Variants in RPS6KC1 observed in about 807,000 individuals in gnomAD.
RPS6KC1 encodes the protein inactive ribosomal protein S6 kinase delta-1.
RPS6KC1 carries 54 observed loss-of-function variants against 103.8 expected under a neutral mutation model. That is an observed-to-expected ratio of 0.52 (90% confidence interval 0.42 to 0.65). RPS6KC1 has a LOEUF of 0.65. Among genes scored for constraint, RPS6KC1 ranks in the 30% least tolerant of loss-of-function variants. RPS6KC1 has a pLI of 0.00. For missense variants in RPS6KC1, 1,151 were observed against 1,253.8 expected (o/e 0.92, Z 1.24); for synonymous variants, 439 against 438.7 (o/e 1.00, Z -0.01).
In RPS6KC1 at chr1:213,053,742, G is replaced by T. The variant is rs559118631; in HGVS notation, c.105+2233G>T. Among the ~76,000 whole-genome samples the T allele has an allele frequency of 2.1e-4, 32 of 152,236 alleles. No homozygotes were observed. In the East Asian group the frequency reaches 4.8e-3, roughly 23 times the overall value. ...GAAGGGGTAGAGTCCATAAAGACCT[G>T]GAGGTATGAATGTGTGTGGAACTGG... On this transcript the variant is annotated intron_variant, in intron 1 of 14. Coordinates refer to ENST00000366960, the MANE Select transcript of RPS6KC1 (RefSeq NM_012424.6).
the RPS6KC1 span, among the ~76,000 whole-genome samples, chr1:213,383,123 C>A: frequency 2.0e-5 from 3 of 152,204 alleles, no homozygotes; most frequent in Non-Finnish European, 2.9e-5. Flanking sequence ...TGAGTGTCGA[C>A]CCCCGGCCGT....
chr1:213,364,416 T>C, the RPS6KC1 span, among the ~76,000 whole-genome samples: 1 of 152,188 alleles, frequency 6.6e-6, no homozygotes, highest in Non-Finnish European at 1.5e-5. Flanking sequence ...GCTAAGGAGT[T>C]GGTACTTTAC....
the RPS6KC1 span, among the ~76,000 whole-genome samples, chr1:213,475,435 T>A: frequency 6.6e-6 from 1 of 152,356 alleles, no homozygotes; most frequent in South Asian, 2.1e-4. Flanking sequence ...CTTGGGTGCG[T>A]GCTGTGCCCT....
the RPS6KC1 span, among the ~76,000 whole-genome samples, chr1:213,681,206 G>A: frequency 2.6e-5 from 4 of 152,154 alleles, no homozygotes; most frequent in East Asian, 1.9e-4. Flanking sequence ...CCCAGACACC[G>A]CCAACCATGT....
At position 213,232,251 on chromosome 1, in the gene RPS6KC1, G is replaced by C; in HGVS notation, c.1221G>C (p.Ala407=). The C allele has an allele frequency of 6.2e-7, 1 of 1,613,822 alleles. No individual in the cohort carries two copies. Among genetic ancestry groups the C allele is most frequent in the East Asian group, 2.2e-5 (1 of 44,876 alleles). The part of the protein sequence containing the change: ...EESVFLVLQH[A]EGGKLWSYIS... ...CAGTATTTCTTGTGCTGCAGCATGC[G>C]GAAGGTTGGTTTGTAGTTTGGATTG... is the stretch of plus-strand genomic sequence containing the variant. The change falls in exon 10 of 15, where the codon GCG becomes GCC. Residue 407 remains alanine, a synonymous_variant. Transcript: ENST00000366960.
the RPS6KC1 span, among the ~76,000 whole-genome samples, chr1:213,597,319 G>T: frequency 6.6e-6 from 1 of 152,206 alleles, no homozygotes; most frequent in African/African-American, 2.4e-5. Context: ...GAGAAATGCA[G>T]GTTGGTGTGC....
At chr1:213,318,784 C>T in the RPS6KC1 span, among the ~76,000 whole-genome samples, 1 of 152,098 alleles carries the variant, frequency 6.6e-6, no homozygotes, top group Non-Finnish European at 1.5e-5. Context: ...AAAGACCTGC[C>T]CCCATGATTC....
the RPS6KC1 span, among the ~76,000 whole-genome samples, chr1:213,829,482 A>G: frequency 1.3e-5 from 2 of 152,156 alleles, no homozygotes; most frequent in Non-Finnish European, 2.9e-5. Context: ...TTAAAGGGTC[A>G]TATCATCAAA....
chr1:213,685,012 C>T, the RPS6KC1 span, among the ~76,000 whole-genome samples: 1 of 152,156 alleles, frequency 6.6e-6, no homozygotes, highest in Non-Finnish European at 1.5e-5. Flanking sequence ...AAAAACAGAG[C>T]CTTAACTAAT....
At chr1:213,578,357 C>A in the RPS6KC1 span, among the ~76,000 whole-genome samples, 2 of 152,216 alleles carry the variant, frequency 1.3e-5, no homozygotes, top group East Asian at 1.9e-4. Context: ...GAAGTTGAAG[C>A]CCGTACACAG....
chr1:213,236,241 T>G (rs1476727915), intron 10 of RPS6KC1, among the ~76,000 whole-genome samples: 2 of 152,152 alleles, frequency 1.3e-5, no homozygotes, highest in African/African-American at 2.4e-5. Context: ...AAACTGGTCC[T>G]TGGTGCCAAA....
At chr1:213,753,845 T>G in the RPS6KC1 span, among the ~76,000 whole-genome samples, 3 of 152,208 alleles carry the variant, frequency 2.0e-5, no homozygotes, top group Non-Finnish European at 4.4e-5. Context: ...AATTGACAAC[T>G]TTAACACTTA....
the RPS6KC1 span, among the ~76,000 whole-genome samples, chr1:213,386,073 C>T: frequency 6.6e-6 from 1 of 152,176 alleles, no homozygotes; most frequent in Admixed American, 6.5e-5. Context: ...GGGGCGGATT[C>T]CTCATGAATG....
the RPS6KC1 span, among the ~76,000 whole-genome samples, chr1:213,548,044 AC>A: frequency 6.6e-6 from 1 of 152,318 alleles, no homozygotes; most frequent in East Asian, 1.9e-4. Flanking sequence ...CCTCATATCC[AC>A]CAGAAGTGTT....
At chr1:213,860,814 CTT>C in the RPS6KC1 span, among the ~76,000 whole-genome samples, 17 of 144,718 alleles carry the variant, frequency 1.2e-4, no homozygotes, top group Admixed American at 2.1e-4. Context: ...TTTTTCTTTT[CTT>C]TTTTTTTTTT....
chr1:213,732,116 A>T, the RPS6KC1 span, among the ~76,000 whole-genome samples: 1 of 152,130 alleles, frequency 6.6e-6, no homozygotes, highest in African/African-American at 2.4e-5. Context: ...TTTTTGAAAA[A>T]AAAACCAAAT....
the RPS6KC1 span, among the ~76,000 whole-genome samples, chr1:213,652,920 G>T: frequency 6.6e-6 from 1 of 152,172 alleles, no homozygotes; most frequent in Non-Finnish European, 1.5e-5. Context: ...GTTTTGAGAA[G>T]GTTTGTCATG....
At chr1:213,427,504 A>G in the RPS6KC1 span, among the ~76,000 whole-genome samples, 1 of 152,102 alleles carries the variant, frequency 6.6e-6, no homozygotes, top group Non-Finnish European at 1.5e-5. Context: ...CCTTTATTTT[A>G]TGTGCTAATG....
the RPS6KC1 span, among the ~76,000 whole-genome samples, chr1:213,308,333 AAGAG>A: frequency 1.4e-4 from 21 of 148,040 alleles, no homozygotes; most frequent in East Asian, 7.1e-4. Context: ...AAAAAAAAAA[AAGAG>A]AGAAAGAAGA....
Sources: allele counts gnomAD v4.1 joint callset (sites outside exome capture counted in the v4.1 genomes callset), GRCh38; gene constraint gnomAD v4.1.1; transcripts MANE v1.5; gene names NCBI Gene and HGNC (gene_info 2026-07-23, HGNC 2026-07-21).